The following ZMIZ1 variants were observed in gnomAD, a reference collection of about 807,000 sequenced individuals.
The protein encoded by ZMIZ1 is zinc finger MIZ domain-containing protein 1.
Under a neutral mutation model 113.9 loss-of-function variants are expected in ZMIZ1, and 17 were observed. That is an observed-to-expected ratio of 0.15 (90% CI 0.10 to 0.22). The LOEUF is 0.22. Ranked by LOEUF, ZMIZ1 falls within the 10% of genes least tolerant of loss-of-function variation. The probability of loss-of-function intolerance (pLI) is 1.00; values close to 1 mark genes in which losing one functional copy is unlikely to be tolerated. For missense variants in ZMIZ1, 1,059 were observed against 1,477.8 expected, an observed-to-expected ratio of 0.72 and a Z score of 4.65; for synonymous variants, 607 against 603.1, an observed-to-expected ratio of 1.01 and a Z score of -0.09.
At chr10:79,147,328 G>A (rs1589336179) in intron 3 of ZMIZ1, among the ~76,000 whole-genome samples, 1 of 152,218 alleles carries the variant, frequency 6.6e-6, no homozygotes, top group South Asian at 2.1e-4. Context: ...CCTAAATAGA[G>A]AGGGTGGGCA....
At chr10:79,195,817 G>A (rs1036369688) in intron 4 of ZMIZ1, among the ~76,000 whole-genome samples, 5 of 152,232 alleles carry the variant, frequency 3.3e-5, no homozygotes, top group Non-Finnish European at 7.3e-5. Context: ...CACATTAACA[G>A]CTGGAAAGGT....
At chr10:79,239,285 G>T (rs1849713870) in intron 7 of ZMIZ1, among the ~76,000 whole-genome samples, 1 of 152,138 alleles carries the variant, frequency 6.6e-6, no homozygotes, top group African/African-American at 2.4e-5. Context: ...TCCATGCCAG[G>T]TCCCCGGTAT....
intron 8 of ZMIZ1, among the ~76,000 whole-genome samples, chr10:79,280,827 T>G (rs151061670): frequency 6.6e-6 from 1 of 152,278 alleles, no homozygotes; most frequent in African/African-American, 2.4e-5. Context: ...GTGTACCCTT[T>G]GCTAAAAGCC....
intron 7 of ZMIZ1, among the ~76,000 whole-genome samples, chr10:79,234,148 T>G (rs1023575810): frequency 8.5e-5 from 13 of 152,184 alleles, no homozygotes; most frequent in Admixed American, 8.5e-4. Context: ...TGGTCAGATT[T>G]GCCTCAGCAG....
At chr10:79,286,548 C>A (rs114084483) in intron 8 of ZMIZ1, among the ~76,000 whole-genome samples, 1,627 of 152,392 alleles carry the variant, frequency 0.011, 23 homozygotes, top group African/African-American at 0.033. Context: ...AGTGCACGGG[C>A]AGCATGCCAG....
At position 79,316,077 on chromosome 10, in the gene ZMIZ1, TGAAAA is replaced by T. The variant is rs1197023233; in HGVS notation, c.*3333_*3337del. ...TATTTTTAGGGTGCTATGGAAATAATGAAAAGAAACGGGGATTTCAGAAGAAAATT... is the reference window on the plus strand; with the variant it reads ...TATTTTTAGGGTGCTATGGAAATAATGAAACGGGGATTTCAGAAGAAAATT... On this transcript the variant is annotated 3_prime_UTR_variant, in exon 25 of 25. Coordinates refer to ENST00000334512, the MANE Select transcript of ZMIZ1 (RefSeq NM_020338.4). 2 of 152,762 alleles carry T rather than the reference TGAAAA, an allele frequency of 1.3e-5. No homozygotes were observed. Among genetic ancestry groups the T allele is most frequent in the Non-Finnish European group, 2.9e-5 (2 of 68,038 alleles). The allele number at this position is 152,762 out of a possible 1,614,324, so 9.5% of individuals were successfully genotyped here.
chr10:79,305,331 G>A (rs1217768214), intron 20 of ZMIZ1, 100 bp downstream of exon 20: 1 of 1,423,600 alleles, frequency 7.0e-7, no homozygotes, highest in Non-Finnish European at 9.9e-7. Flanking sequence ...ATGCAAACCA[G>A]AACCCAAACA....
At chr10:79,171,476 C>T (rs1455811096) in intron 4 of ZMIZ1, among the ~76,000 whole-genome samples, 1 of 152,226 alleles carries the variant, frequency 6.6e-6, no homozygotes, top group Non-Finnish European at 1.5e-5. Flanking sequence ...CAGCCCCTCT[C>T]CACTGCTCTC....
intron 3 of ZMIZ1, among the ~76,000 whole-genome samples, chr10:79,145,152 A>C: frequency 7.0e-6 from 1 of 142,788 alleles, no homozygotes; most frequent in Non-Finnish European, 1.5e-5. Flanking sequence ...TTCTTTCTGT[A>C]TCTTCCTTTC....
At chr10:79,096,327 G>A (rs542620923) in intron 1 of ZMIZ1, among the ~76,000 whole-genome samples, 2 of 152,236 alleles carry the variant, frequency 1.3e-5, no homozygotes, top group East Asian at 1.9e-4. Context: ...TGGCTAACAC[G>A]GTGAAACCCT....
At chr10:79,254,448 C>G (rs568477312) in intron 7 of ZMIZ1, among the ~76,000 whole-genome samples, 1 of 152,240 alleles carries the variant, frequency 6.6e-6, no homozygotes, top group African/African-American at 2.4e-5. Context: ...CCGGGCTGGA[C>G]GGCCCTTGGC....
intron 4 of ZMIZ1, among the ~76,000 whole-genome samples, chr10:79,190,162 C>T (rs941695095): frequency 1.3e-5 from 2 of 152,206 alleles, no homozygotes; most frequent in Admixed American, 1.3e-4. Context: ...TCCCATCACA[C>T]TTGGCATGGG....
chr10:79,153,744 G>T (rs1006778440), intron 3 of ZMIZ1, among the ~76,000 whole-genome samples: 3 of 152,256 alleles, frequency 2.0e-5, no homozygotes, highest in African/African-American at 7.2e-5. Flanking sequence ...AGGCCATGTG[G>T]CTTGTGAGCC....
At chr10:79,193,881 G>T (rs1358980350) in intron 4 of ZMIZ1, among the ~76,000 whole-genome samples, 1 of 152,204 alleles carries the variant, frequency 6.6e-6, no homozygotes, top group East Asian at 1.9e-4. Context: ...ACTGAGAGTA[G>T]TGAGGGCTAG....
At chr10:79,210,446 A>G (rs1209436697) in intron 6 of ZMIZ1, among the ~76,000 whole-genome samples, 1 of 152,238 alleles carries the variant, frequency 6.6e-6, no homozygotes. Context: ...GGAGCCTGAC[A>G]TTGAACCCAC....
intron 2 of ZMIZ1, among the ~76,000 whole-genome samples, chr10:79,124,705 C>T (rs1844439575): frequency 6.6e-6 from 1 of 152,156 alleles, no homozygotes; most frequent in African/African-American, 2.4e-5. Flanking sequence ...GAGAAGACTT[C>T]CTGGTGGAGG....
intron 4 of ZMIZ1, among the ~76,000 whole-genome samples, chr10:79,172,335 A>G (rs1241789035): frequency 6.6e-6 from 1 of 152,158 alleles, no homozygotes; most frequent in Non-Finnish European, 1.5e-5. Context: ...CACCCTCCCT[A>G]GAGCTTCTAG....
In ZMIZ1 at chr10:79,115,898, G is replaced by A. The variant is rs1190573892; in HGVS notation, c.-336-3017G>A. ...TACATGGAAGGATTTTGGTGGAGCCGATGCCCACTCTGTCTGGCATTACAA... is the reference window on the plus strand; with the variant it reads ...TACATGGAAGGATTTTGGTGGAGCCAATGCCCACTCTGTCTGGCATTACAA... On this transcript the variant is annotated intron_variant, in intron 1 of 24. Coordinates refer to ENST00000334512, the MANE Select transcript of ZMIZ1 (RefSeq NM_020338.4). Among the ~76,000 whole-genome samples the A allele has an allele frequency of 2.6e-5, 4 of 152,250 alleles. No individual in the cohort carries two copies. In the East Asian group the frequency reaches 5.8e-4, roughly 22 times the overall value.
chr10:79,070,146 C>CG (rs375034492), intron 1 of ZMIZ1, among the ~76,000 whole-genome samples: 5,891 of 39,862 alleles, frequency 0.15, 393 homozygotes, highest in African/African-American at 0.31. Context: ...GAGCCGGGGT[C>CG]GGGGGGGGGA....
Sources: allele counts gnomAD v4.1 joint callset (sites outside exome capture counted in the v4.1 genomes callset), GRCh38; gene constraint gnomAD v4.1.1; transcripts MANE v1.5; gene names NCBI Gene and HGNC (gene_info 2026-07-23, HGNC 2026-07-21).